Variants in ALOX12B observed in about 807,000 individuals in gnomAD.
The protein encoded by ALOX12B is arachidonate 12-lipoxygenase, 12R-type.
A neutral mutation model predicts 78.9 loss-of-function variants in ALOX12B; 47 were observed. The observed-to-expected ratio is 0.60, with a 90% confidence interval of 0.47 to 0.76. The LOEUF is 0.76. Among genes scored for constraint, ALOX12B ranks in the 30% least tolerant of loss-of-function variants. The probability of loss-of-function intolerance (pLI) is 0.00; values close to 1 mark genes in which losing one functional copy is unlikely to be tolerated. For missense variants in ALOX12B, 805 were observed against 922.6 expected, an observed-to-expected ratio of 0.87 and a Z score of 1.65; for synonymous variants, 370 against 374.5, an observed-to-expected ratio of 0.99 and a Z score of 0.14.
chr17:8,076,849 T>A, intron 9 of ALOX12B, 106 bp from the exon 10 acceptor site: 1 of 1,450,650 alleles, frequency 6.9e-7, no homozygotes, highest in Non-Finnish European at 9.4e-7. Flanking sequence ...GGGAAGTCCC[T>A]ATGCCAAGCC....
In ALOX12B at chr17:8,073,662, C is replaced by T; in HGVS notation, c.1750G>A (p.Gly584Ser). ...GTTGGTGAGACCACCGGTACCTGGC[C>T]TGTGTTGACAGCAGCGTGCTTGGCA... ...CSAKHAAVNT[G>S]QMEFTAWMPN... The change falls in exon 13 of 15, where the codon GGC becomes AGC. Residue 584 changes from glycine (G) to serine (S), a missense_variant. Gly to Ser is a moderately conservative substitution (Grantham distance 56). Transcript: ENST00000647874. 6.2e-7 allele frequency: 1 copy of T among 1,614,048 alleles called. No homozygotes were observed. Among genetic ancestry groups the T allele is most frequent in the Non-Finnish European group, 8.5e-7 (1 of 1,179,904 alleles).
At position 8,080,558 on chromosome 17, in the gene ALOX12B, CCA is replaced by C; in HGVS notation, c.650+98_650+99del. 3.8e-6 allele frequency: 6 copies of C among 1,581,076 alleles called. No homozygotes were observed. In the South Asian group the frequency reaches 6.7e-5, roughly 18 times the overall value. ...GTTTCAGCTCCCTCTGCCTTCCTGG[CCA>C]TTCCAACCTCTGGGGCTGTCTTGGA... On this transcript the variant is annotated intron_variant, in intron 5 of 14. Transcript: ENST00000647874. The surrounding 1 kb of genome is among the most constrained non-coding windows in gnomAD (Gnocchi z 4.8).
chr17:8,079,874 G>A lies in ALOX12B; in HGVS notation c.822C>T (p.Pro274=), dbSNP rs375219074. ...TCCGCGTGCAGCGGCGGATCAGGCC[G>A]GGGTTGACGCCGTTGAGGTACTGGT... ...FGYQYLNGVN[P]GLIRRCTRIP... The change falls in exon 7 of 15, where the codon CCC becomes CCT. Residue 274 remains proline (P), a synonymous_variant. Transcript: ENST00000647874. The surrounding 1 kb of genome is among the most constrained non-coding windows in gnomAD (Gnocchi z 6.4). The A allele has an allele frequency of 4.3e-6, 7 of 1,613,256 alleles. No homozygotes were observed. The highest frequency in any genetic ancestry group is 2.2e-5 in the East Asian group (1 of 44,864).
chr17:8,080,220 CG>C lies in ALOX12B; in HGVS notation c.754+14del. The C allele has an allele frequency of 6.2e-7, 1 of 1,611,162 alleles. No individual in the cohort carries two copies. The highest frequency in any genetic ancestry group is 1.1e-5 in the South Asian group (1 of 91,020). On this transcript the variant is annotated intron_variant, in intron 6 of 14. Coordinates refer to ENST00000647874, the MANE Select transcript of ALOX12B (RefSeq NM_001139.3). The surrounding 1 kb of genome is among the most constrained non-coding windows in gnomAD (Gnocchi z 4.8). ...CTGGCTCCCCCTGCTCGATCCGGGA[CG>C]CCCCATTCCATACCGGAGACGACAG...
In ALOX12B at chr17:8,080,160, G is replaced by C. The variant is rs1342948824; in HGVS notation, c.754+75C>G. On this transcript the variant is annotated intron_variant, in intron 6 of 14. Transcript: ENST00000647874. The surrounding 1 kb of genome is among the most constrained non-coding windows in gnomAD (Gnocchi z 4.8). ...GCTGCCTCTCCCGTCCCACTGCCCC[G>C]AAGTCGGGGGCCTGCCTAGCACGCC... 6.5e-7 allele frequency: 1 copy of C among 1,548,822 alleles called. No homozygotes were observed. The highest frequency in any genetic ancestry group is 1.7e-5 in the Admixed American group (1 of 59,896).
At position 8,072,945 on chromosome 17, in the gene ALOX12B, G is replaced by A; in HGVS notation, c.1932C>T (p.Pro644=). The change falls in exon 15 of 15, where the codon CCC becomes CCT. Residue 644 remains proline, a synonymous_variant. Transcript: ENST00000647874. Reference sequence around the variant, plus strand: ...AGTGAATGTCCGGGAAGTGTCCCAGGGGCCGCTGCGGGCAGAGAGCTCGAC... The same window carrying A: ...AGTGAATGTCCGGGAAGTGTCCCAGAGGCCGCTGCGGGCAGAGAGCTCGAC... The part of the protein sequence containing the change: ...TLSREPDDRR[P]LGHFPDIHFV... The A allele has an allele frequency of 6.2e-7, 1 of 1,611,076 alleles. No individual in the cohort carries two copies. The highest frequency in any genetic ancestry group is 8.5e-7 in the Non-Finnish European group (1 of 1,178,360).
intron 2 of ALOX12B, among the ~76,000 whole-genome samples, chr17:8,083,351 G>C (rs570417004): frequency 3.5e-4 from 53 of 152,336 alleles, no homozygotes; most frequent in Admixed American, 2.2e-3. Flanking sequence ...AGGAGAAACA[G>C]TCGCTATTAT....
chr17:8,084,909 G>A (rs904310509), intron 2 of ALOX12B, among the ~76,000 whole-genome samples: 1 of 152,164 alleles, frequency 6.6e-6, no homozygotes, highest in African/African-American at 2.4e-5. Context: ...CCACACAAGG[G>A]GCTCTGGCAG....
chr17:8,079,501 C>T lies in ALOX12B; in HGVS notation c.966G>A (p.Glu322=). Residue 322 remains glutamate, a synonymous_variant, in exon 8 of 15, where the codon GAG becomes GAA. Coordinates refer to ENST00000647874, the MANE Select transcript of ALOX12B (RefSeq NM_001139.3). This position sits in a 1 kb window ranked among gnomAD's most constrained non-coding sequence, Gnocchi z 6.4. The part of the protein sequence containing the change: ...NIYLADYRIM[E]GIPTVELSGR... ...CGCTGAGCTCCACGGTGGGGATGCC[C>T]TCCATGATGCGGTAGTCGGCCAGGT... The T allele has an allele frequency of 6.4e-7, 1 of 1,550,946 alleles. No individual in the cohort carries two copies. Among genetic ancestry groups the T allele is most frequent in the Non-Finnish European group, 8.7e-7 (1 of 1,146,986 alleles).
chr17:8,085,324 T>C (rs1235922059), intron 2 of ALOX12B, among the ~76,000 whole-genome samples: 1 of 151,952 alleles, frequency 6.6e-6, no homozygotes, highest in Admixed American at 6.6e-5. Flanking sequence ...CTACTAAAAA[T>C]GCAAAAACTA....
chr17:8,074,711 G>A (rs1394105005), intron 12 of ALOX12B, among the ~76,000 whole-genome samples: 3 of 152,240 alleles, frequency 2.0e-5, no homozygotes, highest in East Asian at 1.9e-4. Context: ...TGTGCAGCCT[G>A]GCCGTGGCTC....
chr17:8,086,601 A>G (rs1266816382), intron 1 of ALOX12B, among the ~76,000 whole-genome samples: 4 of 152,262 alleles, frequency 2.6e-5, no homozygotes, highest in Non-Finnish European at 4.4e-5. Context: ...CCATTCATCA[A>G]TGAAGATGCA....
rs1271843916 is a variant in ALOX12B, at chr17:8,073,829, C to T, written c.1655-72G>A. 3 of 1,205,334 alleles carry T rather than the reference C, an allele frequency of 2.5e-6. No homozygotes were observed. In the Admixed American group the frequency reaches 5.6e-5, roughly 23 times the overall value. 74.7% of individuals were successfully genotyped at this position (1,205,334 alleles called of 1,614,324 possible). ...ACTGGCTGCCCGGCAGAGGGCGCCACCATGCCCCGCTCTCACCGTTTTGCA... is the reference window on the plus strand; with the variant it reads ...ACTGGCTGCCCGGCAGAGGGCGCCATCATGCCCCGCTCTCACCGTTTTGCA... On this transcript the variant is annotated intron_variant, in intron 12 of 14. Coordinates refer to ENST00000647874, the MANE Select transcript of ALOX12B (RefSeq NM_001139.3).
intron 2 of ALOX12B, among the ~76,000 whole-genome samples, chr17:8,081,988 G>A (rs879058181): frequency 2.0e-5 from 3 of 152,054 alleles, no homozygotes; most frequent in Non-Finnish European, 2.9e-5. Flanking sequence ...GAGAACATTC[G>A]GTATTTGACT....
chr17:8,079,234 CA>C lies in ALOX12B; in HGVS notation c.1071+161del, dbSNP rs1977153214. ...TTTATATAAGAAACTTGAGCATCTG[CA>C]GATTTTGGCATCCCGGGGAGGTCCT... On this transcript the variant is annotated intron_variant, in intron 8 of 14. Coordinates refer to ENST00000647874, the MANE Select transcript of ALOX12B (RefSeq NM_001139.3). This position sits in a 1 kb window ranked among gnomAD's most constrained non-coding sequence, Gnocchi z 6.4. 6.6e-6 allele frequency among the ~76,000 whole-genome samples: 1 copy of C among 152,202 alleles called. No individual in the cohort carries two copies. The highest frequency in any genetic ancestry group is 1.9e-4 in the East Asian group (1 of 5,192).
intron 12 of ALOX12B, 119 bp from the exon 13 acceptor site, chr17:8,073,876 C>G (rs1413968200): frequency 2.5e-6 from 2 of 801,092 alleles, no homozygotes; most frequent in East Asian, 2.7e-5. Context: ...CTGCCGCATC[C>G]GTACCCTCAT....
Position 8,087,317 on chromosome 17 carries a change from C to T in ALOX12B, c.126G>A (p.Gly42=). The T allele has an allele frequency of 6.2e-7, 1 of 1,614,062 alleles. No individual in the cohort carries two copies. The highest frequency in any genetic ancestry group is 8.5e-7 in the Non-Finnish European group (1 of 1,180,016). The change falls in exon 1 of 15, where the codon GGG becomes GGA. Residue 42 remains glycine (G), a synonymous_variant. Coordinates refer to ENST00000647874, the MANE Select transcript of ALOX12B (RefSeq NM_001139.3). The part of the protein sequence containing the change: ...ESHKQLLNHF[G]RDFATGAVGQ... The stretch of plus-strand genomic sequence containing the variant: ...TTACCGCCCCAGTTGCAAAGTCTCT[C>T]CCAAAGTGGTTCAGCAGCTGCTTAT...
In ALOX12B at chr17:8,080,003, T is replaced by C. The variant is rs1977175258; in HGVS notation, c.755-62A>G. The C allele has an allele frequency of 1.3e-6, 2 of 1,578,118 alleles. No individual in the cohort carries two copies. Among genetic ancestry groups the C allele is most frequent in the Non-Finnish European group, 1.7e-6 (2 of 1,161,048 alleles). On this transcript the variant is annotated intron_variant, in intron 6 of 14. Coordinates refer to ENST00000647874, the MANE Select transcript of ALOX12B (RefSeq NM_001139.3). The surrounding 1 kb of genome is among the most constrained non-coding windows in gnomAD (Gnocchi z 4.8). ...GGCCCCCCTCGGGGACGGAGAGGCA[T>C]GGGACAGAAGAAGACTATGGGCACC...
chr17:8,076,433 C>T, intron 10 of ALOX12B, 89 bp from the exon 11 acceptor site: 3 of 1,486,574 alleles, frequency 2.0e-6, no homozygotes, highest in South Asian at 1.2e-5. Flanking sequence ...GCCCCTGTAA[C>T]CCCTGACCCA....
Sources: gnomAD v4.1 joint callset for allele counts (sites outside exome capture counted in the v4.1 genomes callset) on GRCh38, gnomAD v4.1.1 for gene constraint, Gnocchi (gnomAD v3.1) non-coding constraint, MANE v1.5 for transcripts, NCBI Gene and HGNC (gene_info 2026-07-23, HGNC 2026-07-21) for gene names.